Variants in DEPTOR observed in about 807,000 individuals in gnomAD.
DEPTOR encodes DEP domain containing MTOR interacting protein.
DEPTOR carries 41 observed loss-of-function variants against 41.6 expected under a neutral mutation model. That is an observed-to-expected ratio of 0.98 (90% CI 0.77 to 1.28). DEPTOR has a LOEUF of 1.28. Ranked by LOEUF, DEPTOR falls within the 50% of genes most tolerant of loss-of-function variation. The probability of loss-of-function intolerance (pLI) is 0.00; values close to 1 mark genes in which losing one functional copy is unlikely to be tolerated. For missense variants in DEPTOR, 514 were observed against 527.9 expected (o/e 0.97, Z 0.26); for synonymous variants, 195 against 192.3 (o/e 1.01, Z -0.12).
chr8:119,928,717 G>A (rs1828000216), intron 2 of DEPTOR, 139 bp downstream of exon 2: 1 of 804,510 alleles, frequency 1.2e-6, no homozygotes, highest in South Asian at 3.6e-5. Context: ...TTTTCTTCCT[G>A]CCTCTAAGAG....
At chr8:120,011,057 A>G (rs1812525184) in intron 8 of DEPTOR, among the ~76,000 whole-genome samples, 1 of 152,192 alleles carries the variant, frequency 6.6e-6, no homozygotes, top group Non-Finnish European at 1.5e-5. Context: ...CTCTTCCATC[A>G]GTCTTTTCCT....
intron 3 of DEPTOR, among the ~76,000 whole-genome samples, chr8:119,962,256 CAAACA>C (rs879876341): frequency 6.6e-6 from 1 of 151,788 alleles, no homozygotes; most frequent in Admixed American, 6.6e-5. Flanking sequence ...GACTCTGTCT[CAAACA>C]AAACAAAACA....
At chr8:119,880,604 G>A (rs1827286554) in intron 1 of DEPTOR, among the ~76,000 whole-genome samples, 1 of 152,204 alleles carries the variant, frequency 6.6e-6, no homozygotes, top group South Asian at 2.1e-4. Context: ...TAAAAAAGTA[G>A]ACAAGTAGCT....
intron 3 of DEPTOR, among the ~76,000 whole-genome samples, chr8:119,958,310 C>A (rs1305572628): frequency 6.6e-6 from 1 of 152,120 alleles, no homozygotes; most frequent in Non-Finnish European, 1.5e-5. Flanking sequence ...GTGGCCTCTT[C>A]CCCTCTAATA....
chr8:119,926,462 C>T (rs1827965139), intron 1 of DEPTOR, among the ~76,000 whole-genome samples: 1 of 152,200 alleles, frequency 6.6e-6, no homozygotes, highest in Middle Eastern at 3.2e-3. Context: ...TCAGAAAATG[C>T]AGAGTGCCCT....
chr8:119,886,464 C>CACACAT (rs59821541), intron 1 of DEPTOR, among the ~76,000 whole-genome samples: 114,431 of 150,112 alleles, frequency 0.76, 44,448 homozygotes, highest in East Asian at 0.96. Context: ...CAGACACACA[C>CACACAT]ACACATACAC....
At chr8:119,977,382 T>C (rs1042560220) in intron 4 of DEPTOR, among the ~76,000 whole-genome samples, 2 of 152,256 alleles carry the variant, frequency 1.3e-5, no homozygotes, top group Admixed American at 6.5e-5. Context: ...ATGTTCAACT[T>C]TGAACAGAAA....
chr8:119,983,533 C>T (rs964466216), intron 4 of DEPTOR, among the ~76,000 whole-genome samples: 26 of 152,030 alleles, frequency 1.7e-4, no homozygotes, highest in African/African-American at 5.1e-4. Context: ...TACAGGTGCC[C>T]GCCACCACGC....
chr8:120,041,092 C>T (rs191773297), intron 8 of DEPTOR, among the ~76,000 whole-genome samples: 8 of 152,252 alleles, frequency 5.3e-5, no homozygotes, highest in African/African-American at 1.9e-4. Flanking sequence ...ATCCTTCATT[C>T]TCCTTCAAGA....
intron 1 of DEPTOR, among the ~76,000 whole-genome samples, chr8:119,881,394 C>T (rs914847572): frequency 2.0e-5 from 3 of 151,722 alleles, no homozygotes; most frequent in East Asian, 1.9e-4. Context: ...GGTGGTGGTG[C>T]GTGCTTGCAG....
intron 5 of DEPTOR, 33 bp downstream of exon 5, chr8:120,001,743 T>A: frequency 1.3e-6 from 2 of 1,584,172 alleles, no homozygotes; most frequent in Non-Finnish European, 8.6e-7. Flanking sequence ...GGAGCTCAAG[T>A]GTTTGTCTTT....
chr8:119,974,235 T>TAAAAAAA lies in DEPTOR; in HGVS notation c.604+8847_604+8853dup, dbSNP rs35885551. On this transcript the variant is annotated intron_variant, in intron 4 of 8. Coordinates refer to ENST00000286234, the MANE Select transcript of DEPTOR (RefSeq NM_022783.4). The stretch of plus-strand genomic sequence containing the variant: ...GAAACATAGTGAGATCTTGTCTCTT[T>TAAAAAAA]AAAAAAAAAAAAAAAAAAAAAAAAA... 1.2e-4 allele frequency among the ~76,000 whole-genome samples: 9 copies of TAAAAAAA among 74,910 alleles called. No individual in the cohort carries two copies. In the East Asian group the frequency reaches 3.3e-3, roughly 28 times the overall value. 49.1% of individuals were successfully genotyped at this position (74,910 alleles called of 152,430 possible).
In DEPTOR at chr8:120,036,376, T is replaced by A. The variant is rs374027978; in HGVS notation, c.1102-13200T>A. Among the ~76,000 whole-genome samples the A allele has an allele frequency of 1.7e-4, 26 of 152,346 alleles. No individual in the cohort carries two copies. In the East Asian group the frequency reaches 2.7e-3, roughly 16 times the overall value. On this transcript the variant is annotated intron_variant, in intron 8 of 8. Transcript: ENST00000286234. Reference sequence around the variant, plus strand: ...TCTTTGGGGGCACCGCATAGCCCTATAGCATGCTTAAAATGCATAAAGCTT... The same window carrying A: ...TCTTTGGGGGCACCGCATAGCCCTAAAGCATGCTTAAAATGCATAAAGCTT...
intron 3 of DEPTOR, among the ~76,000 whole-genome samples, chr8:119,936,757 C>A (rs1387738478): frequency 2.0e-5 from 3 of 152,204 alleles, no homozygotes; most frequent in Non-Finnish European, 4.4e-5. Flanking sequence ...AGCGTAGTGG[C>A]CCACACCTGT....
At chr8:119,920,748 C>G (rs566193936) in intron 1 of DEPTOR, among the ~76,000 whole-genome samples, 1 of 152,286 alleles carries the variant, frequency 6.6e-6, no homozygotes, top group African/African-American at 2.4e-5. Flanking sequence ...AGTCGAGTCC[C>G]ACTCAGCCCC....
chr8:119,927,418 A>G (rs10099088), intron 1 of DEPTOR, among the ~76,000 whole-genome samples: 42,719 of 151,574 alleles, frequency 0.28, 6,454 homozygotes, highest in Middle Eastern at 0.39. Context: ...GCTCAAATAG[A>G]GTTGTTTGTA....
chr8:119,897,879 T>G (rs1159949567), intron 1 of DEPTOR, among the ~76,000 whole-genome samples: 1 of 152,216 alleles, frequency 6.6e-6, no homozygotes, highest in Non-Finnish European at 1.5e-5. Flanking sequence ...ACCTAGCATG[T>G]AGGAAACACT....
intron 1 of DEPTOR, among the ~76,000 whole-genome samples, chr8:119,915,310 A>T (rs1827797658): frequency 6.6e-6 from 1 of 152,122 alleles, no homozygotes; most frequent in Non-Finnish European, 1.5e-5. Context: ...TGATCTTTCT[A>T]TATATTTTGT....
chr8:119,916,429 T>C (rs533603861), intron 1 of DEPTOR, among the ~76,000 whole-genome samples: 3 of 152,198 alleles, frequency 2.0e-5, no homozygotes, highest in South Asian at 4.1e-4. Context: ...CCAACAGGGA[T>C]ATTATAAGGC....
Sources: gnomAD v4.1 joint callset for allele counts (sites outside exome capture counted in the v4.1 genomes callset) on GRCh38, gnomAD v4.1.1 for gene constraint, MANE v1.5 for transcripts, NCBI Gene and HGNC (gene_info 2026-07-23, HGNC 2026-07-21) for gene names.